The following ATP7B variants were observed in gnomAD, a reference collection of about 807,000 sequenced individuals.
ATP7B encodes the protein ATPase copper transporting beta.
Under a neutral mutation model 118.9 loss-of-function variants are expected in ATP7B, and 113 were observed. That is an observed-to-expected ratio of 0.95 (90% CI 0.82 to 1.11). The LOEUF (loss-of-function observed/expected upper bound fraction) is 1.11. Among genes scored for constraint, ATP7B ranks in the 50% most tolerant of loss-of-function variants. ATP7B has a pLI of 0.00. For missense variants in ATP7B, 1,867 were observed against 1,871.4 expected (o/e 1.00, Z 0.04); for synonymous variants, 777 against 727.4 (o/e 1.07, Z -1.10).
At position 51,941,113 on chromosome 13, in the gene ATP7B, T is replaced by C; in HGVS notation, c.3524A>G (p.Lys1175Arg). The C allele has an allele frequency of 6.2e-7, 1 of 1,614,166 alleles. No individual in the cohort carries two copies. Among genetic ancestry groups the C allele is most frequent in the Non-Finnish European group, 8.5e-7 (1 of 1,180,028 alleles). The change falls in exon 16 of 21, where the codon AAA becomes AGA. Residue 1175 changes from lysine to arginine, a missense_variant. Lys to Arg is a conservative substitution (Grantham distance 26). Transcript: ENST00000242839. Reference protein sequence around the residue: ...VSDAMTDHEMKGQTAILVAID... With the variant: ...VSDAMTDHEMRGQTAILVAID... ...AGCCACCAGGATGGCTGTCTGTCCT[T>C]TCATCTCGTGGTCTGTCATAGCGTC...
chr13:51,953,841 C>A (rs1157722084), intron 9 of ATP7B, among the ~76,000 whole-genome samples: 3 of 41,324 alleles, frequency 7.3e-5, no homozygotes, highest in African/African-American at 2.6e-4. Context: ...ATTTGTTTCC[C>A]CATCAATTGT....
At position 51,949,916 on chromosome 13, in the gene ATP7B, C is replaced by G. The variant is rs972351741; in HGVS notation, c.2730+91G>C. On this transcript the variant is annotated intron_variant, in intron 11 of 20. Transcript: ENST00000242839. ...TTTAACCACATTTACTAATCAATCTCTACTCAATAAAACTGTCTGATTTCC... is the reference window on the plus strand; with the variant it reads ...TTTAACCACATTTACTAATCAATCTGTACTCAATAAAACTGTCTGATTTCC... The G allele has an allele frequency of 3.7e-5, 60 of 1,609,606 alleles. No individual in the cohort carries two copies. The Admixed American group carries it at 9.8e-4, about 26-fold the overall frequency.
At chr13:51,949,622 T>C in intron 12 of ATP7B, 40 bp downstream of exon 12, 1 of 1,608,816 alleles carries the variant, frequency 6.2e-7, no homozygotes, top group Non-Finnish European at 8.5e-7. Context: ...GTAGATTATT[T>C]AAAACACAAC....
At position 51,934,238 on chromosome 13, in the gene ATP7B, AC is replaced by A. The variant is rs1956836423; in HGVS notation, c.*517del. ...AGCACACAGGAGAGAAAAGGAACAG[AC>A]TATGTACGAAGAAAGGAACAGACTA... On this transcript the variant is annotated 3_prime_UTR_variant, in exon 21 of 21. Coordinates refer to ENST00000242839, the MANE Select transcript of ATP7B (RefSeq NM_000053.4). The A allele has an allele frequency of 4.3e-6, 1 of 231,670 alleles. No homozygotes were observed. The highest frequency in any genetic ancestry group is 8.7e-6 in the Non-Finnish European group (1 of 115,204). The allele number at this position is 231,670 out of a possible 1,614,324, so 14.4% of individuals were successfully genotyped here.
At chr13:51,994,302 T>A (rs1271389085) in intron 1 of ATP7B, among the ~76,000 whole-genome samples, 1 of 152,214 alleles carries the variant, frequency 6.6e-6, no homozygotes, top group East Asian at 1.9e-4. Flanking sequence ...GAAAACAAAG[T>A]AATTAAAATT....
chr13:51,977,764 A>T (rs1464761051), intron 1 of ATP7B, among the ~76,000 whole-genome samples: 1 of 152,216 alleles, frequency 6.6e-6, no homozygotes, highest in African/African-American at 2.4e-5. Flanking sequence ...CCAAAAATAC[A>T]TGAGTAATGC....
In ATP7B at chr13:51,975,117, T is replaced by A. The variant is rs1057516516; in HGVS notation, c.103A>T (p.Lys35Ter). 6.2e-7 allele frequency: 1 copy of A among 1,614,238 alleles called. No homozygotes were observed. Among genetic ancestry groups the A allele is most frequent in the Non-Finnish European group, 8.5e-7 (1 of 1,180,042 alleles). ...PTRAWEPAMKKSFAFDNVGYE... is the reference protein window; with the variant it reads ...PTRAWEPAMK ...CCAACATTGTCAAAAGCAAAACTCT[T>A]CTTCATTGCTGGTTCCCAGGCACGG... is the stretch of plus-strand genomic sequence containing the variant. The change falls in exon 2 of 21, where the codon AAG (lysine) becomes TAG (stop). Residue 35 changes from lysine to a stop codon, truncating the protein, a stop_gained. Coordinates refer to ENST00000242839, the MANE Select transcript of ATP7B (RefSeq NM_000053.4). LOFTEE classifies it high-confidence loss of function.
intron 9 of ATP7B, among the ~76,000 whole-genome samples, chr13:51,955,909 GC>G (rs1024050676): frequency 6.6e-6 from 1 of 152,228 alleles, no homozygotes; most frequent in Non-Finnish European, 1.5e-5. Context: ...GCTGAGGGGG[GC>G]TCTGTGCCTC....
At position 51,944,046 on chromosome 13, in the gene ATP7B, G is replaced by A. The variant is rs901850252; in HGVS notation, c.3243+63C>T. The A allele has an allele frequency of 3.7e-6, 6 of 1,603,410 alleles. No homozygotes were observed. The African/African-American group carries it at 6.7e-5, about 18-fold the overall frequency. ...CTCCTCGAGGGCAGCTAGGAGAGAA[G>A]GACATGGTGAGGAATAAAAGAGCAT... On this transcript the variant is annotated intron_variant, in intron 14 of 20. Transcript: ENST00000242839.
In ATP7B at chr13:51,958,306, G is replaced by C. The variant is rs766264823; in HGVS notation, c.2355+5C>G. 3.7e-6 allele frequency: 6 copies of C among 1,614,086 alleles called. No homozygotes were observed. In the Admixed American group the frequency reaches 1.0e-4, roughly 27 times the overall value. ...GCTCTTTTCTGAACCTGAAGCTGCT[G>C]TTACCTTTGCCAAGTGTTCCAGCCA... On this transcript the variant is annotated splice_donor_5th_base_variant and intron_variant, in intron 8 of 20. Transcript: ENST00000242839.
rs2138592787 is a variant in ATP7B at position 51,937,682 on chromosome 13, A to C, written c.3700-3T>G. 6.2e-7 allele frequency: 1 copy of C among 1,614,152 alleles called. No individual in the cohort carries two copies. The highest frequency in any genetic ancestry group is 8.5e-7 in the Non-Finnish European group (1 of 1,180,026). On this transcript the variant is annotated splice_polypyrimidine_tract_variant and splice_region_variant and intron_variant, in intron 17 of 20. Transcript: ENST00000242839. ...GCAAAGACTTTGTTGATGCCAACCT[A>C]AGACAAAAGGAAGGCAATGCCTAGT...
chr13:51,987,728 G>C (rs1775618543), intron 1 of ATP7B, among the ~76,000 whole-genome samples: 1 of 152,134 alleles, frequency 6.6e-6, no homozygotes, highest in South Asian at 2.1e-4. Flanking sequence ...TAGACCAATG[G>C]AACAGAACAT....
At chr13:51,958,817 A>G (rs1381754700) in intron 7 of ATP7B, 12 of 495,482 alleles carry the variant, frequency 2.4e-5, no homozygotes, top group East Asian at 3.8e-5. Flanking sequence ...AAAGTTGGGG[A>G]AAAAAATCAC....
intron 1 of ATP7B, chr13:51,975,460 T>C: frequency 1.7e-6 from 1 of 576,856 alleles, no homozygotes; most frequent in South Asian, 1.4e-5. Context: ...ACGACACAGC[T>C]TTACATATGG....
In ATP7B at chr13:51,966,661, T is replaced by TA. The variant is rs1467652361; in HGVS notation, c.1708-1629dup. On this transcript the variant is annotated intron_variant, in intron 4 of 20. Transcript: ENST00000242839. ...AACTATTGATACAGCATGGTTTTTTTAAAAAAAGAACACTACAGACACAGC... is the reference window on the plus strand; with the variant it reads ...AACTATTGATACAGCATGGTTTTTTTAAAAAAAAGAACACTACAGACACAGC... 21 of 1,192,110 alleles carry TA rather than the reference T, an allele frequency of 1.8e-5. No individual in the cohort carries two copies. The East Asian group carries it at 2.6e-4, about 15-fold the overall frequency. The allele number at this position is 1,192,110 out of a possible 1,614,324, so 73.8% of individuals were successfully genotyped here.
At chr13:51,994,978 A>C (rs967523097) in intron 1 of ATP7B, among the ~76,000 whole-genome samples, 34 of 152,256 alleles carry the variant, frequency 2.2e-4, no homozygotes, top group African/African-American at 7.0e-4. Flanking sequence ...CAAAATGTTT[A>C]GTTAAAATGT....
At chr13:52,011,481 C>G (rs936119654), upstream of ATP7B, 4 of 976,202 alleles carry the variant, frequency 4.1e-6, no homozygotes, top group Non-Finnish European at 6.3e-6. Context: ...CTAAAGCAAA[C>G]AGGGGTCCGG....
chr13:51,991,007 G>A (rs561861697), intron 1 of ATP7B, among the ~76,000 whole-genome samples: 9 of 152,062 alleles, frequency 5.9e-5, no homozygotes, highest in Non-Finnish European at 8.8e-5. Flanking sequence ...AGAATCGCTT[G>A]AGCCTGGGAG....
At chr13:52,010,325 A>T (rs529509311) in intron 1 of ATP7B, among the ~76,000 whole-genome samples, 1 of 152,358 alleles carries the variant, frequency 6.6e-6, no homozygotes, top group Non-Finnish European at 1.5e-5. Context: ...TAGTTTCAGA[A>T]ATCTGTGGAA....
Sources: allele counts gnomAD v4.1 joint callset (sites outside exome capture counted in the v4.1 genomes callset), GRCh38; gene constraint gnomAD v4.1.1; transcripts MANE v1.5; gene names NCBI Gene and HGNC (gene_info 2026-07-23, HGNC 2026-07-21).